The following GRID2 variants were observed in gnomAD, a reference collection of about 807,000 sequenced individuals.
GRID2 encodes glutamate receptor ionotropic, delta-2.
Under a neutral mutation model 114.8 loss-of-function variants are expected in GRID2, and 33 were observed. The observed-to-expected ratio is 0.29, with a 90% CI of 0.22 to 0.38. GRID2 has a LOEUF of 0.38. Among genes scored for constraint, GRID2 ranks in the 10% least tolerant of loss-of-function variants. The probability of loss-of-function intolerance (pLI) is 1.00; values close to 1 mark genes in which losing one functional copy is unlikely to be tolerated. For synonymous variants in GRID2, 505 were observed against 449.9 expected (o/e 1.12, Z -1.55); for missense variants, 1,184 against 1,257.7 (o/e 0.94, Z 0.89).
rs527690483 is a variant in GRID2, at chr4:92,761,000, A to G, written c.244+170714A>G. Among the ~76,000 whole-genome samples the G allele has an allele frequency of 3.3e-5, 5 of 152,302 alleles. No homozygotes were observed. The South Asian group carries it at 8.3e-4, about 25-fold the overall frequency. On this transcript the variant is annotated intron_variant, in intron 2 of 15. Coordinates refer to ENST00000282020, the MANE Select transcript of GRID2 (RefSeq NM_001510.4). ...TTATTAACTAATATCTTTATTAGTT[A>G]AATCCATATATGGCAACTACATAAA... is the stretch of plus-strand genomic sequence containing the variant.
At chr4:92,736,181 A>G (rs1736588521) in intron 2 of GRID2, among the ~76,000 whole-genome samples, 1 of 152,150 alleles carries the variant, frequency 6.6e-6, no homozygotes, top group African/African-American at 2.4e-5. Flanking sequence ...CATCAGAATC[A>G]TAGAAGGAGG....
chr4:92,790,034 A>T (rs969257678), intron 2 of GRID2, among the ~76,000 whole-genome samples: 1 of 151,636 alleles, frequency 6.6e-6, no homozygotes, highest in Non-Finnish European at 1.5e-5. Context: ...TAATCTCCAG[A>T]TTTTCTATGT....
chr4:93,259,482 T>A (rs1018110782), intron 8 of GRID2, among the ~76,000 whole-genome samples: 1 of 151,836 alleles, frequency 6.6e-6, no homozygotes, highest in Non-Finnish European at 1.5e-5. Context: ...TGTCAAATCT[T>A]ACCAAATGAT....
intron 2 of GRID2, among the ~76,000 whole-genome samples, chr4:93,053,055 C>G (rs919520366): frequency 2.6e-5 from 4 of 151,854 alleles, no homozygotes; most frequent in Non-Finnish European, 5.9e-5. Flanking sequence ...AATGTACTCC[C>G]CTACCAAATT....
intron 8 of GRID2, among the ~76,000 whole-genome samples, chr4:93,289,952 G>A (rs1269567838): frequency 6.6e-6 from 1 of 152,168 alleles, no homozygotes; most frequent in Non-Finnish European, 1.5e-5. Context: ...ATTATGGTTT[G>A]ACATCACTCT....
At position 93,120,744 on chromosome 4, in the gene GRID2, T is replaced by C. The variant is rs1027837911; in HGVS notation, c.735+9791T>C. ...TGAGGCGGGTGGATCATGAGGTCAG[T>C]AGATCGAGACCATCCTGGCTAACAT... is the stretch of plus-strand genomic sequence containing the variant. On this transcript the variant is annotated intron_variant, in intron 4 of 15. Transcript: ENST00000282020. 4.6e-5 allele frequency among the ~76,000 whole-genome samples: 7 copies of C among 151,936 alleles called. No individual in the cohort carries two copies. The East Asian group carries it at 9.7e-4, about 21-fold the overall frequency.
intron 3 of GRID2, among the ~76,000 whole-genome samples, chr4:93,087,276 G>A (rs574123983): frequency 1.5e-4 from 23 of 151,714 alleles, no homozygotes; most frequent in Non-Finnish European, 2.8e-4. Context: ...TCCTGACATC[G>A]TGATCCACCC....
intron 2 of GRID2, among the ~76,000 whole-genome samples, chr4:93,051,854 G>A (rs536605615): frequency 1.3e-5 from 2 of 151,776 alleles, no homozygotes; most frequent in South Asian, 2.1e-4. Flanking sequence ...TTTTTTTCCC[G>A]AGTTTTCTTT....
chr4:93,122,119 C>A (rs1189641040), intron 4 of GRID2, among the ~76,000 whole-genome samples: 2 of 152,076 alleles, frequency 1.3e-5, no homozygotes, highest in Non-Finnish European at 2.9e-5. Flanking sequence ...CAAATTATTA[C>A]ATTTTTTGTA....
chr4:92,596,358 G>A (rs1326888882), intron 2 of GRID2, among the ~76,000 whole-genome samples: 1 of 151,974 alleles, frequency 6.6e-6, no homozygotes, highest in Non-Finnish European at 1.5e-5. Flanking sequence ...GGTTAACTCT[G>A]GACCATCTAC....
At chr4:92,862,143 C>A (rs920244288) in intron 2 of GRID2, among the ~76,000 whole-genome samples, 3 of 151,958 alleles carry the variant, frequency 2.0e-5, no homozygotes, top group Non-Finnish European at 4.4e-5. Context: ...ATATTTAAAA[C>A]CTCTCGACAA....
intron 4 of GRID2, chr4:93,164,586 G>C (rs1008130485): frequency 3.6e-5 from 7 of 194,258 alleles, no homozygotes; most frequent in Non-Finnish European, 8.0e-5. Context: ...TGAGAAGTCA[G>C]CTGTTTTTAG....
chr4:92,845,037 C>T (rs555576334), intron 2 of GRID2, among the ~76,000 whole-genome samples: 6 of 152,170 alleles, frequency 3.9e-5, no homozygotes, highest in Admixed American at 3.9e-4. Flanking sequence ...TTTTACTGAT[C>T]ATTGCTCTAA....
intron 2 of GRID2, among the ~76,000 whole-genome samples, chr4:92,637,068 T>G: frequency 6.6e-6 from 1 of 152,060 alleles, no homozygotes; most frequent in South Asian, 2.1e-4. Flanking sequence ...TTAAATATAA[T>G]GTAATTTTTC....
intron 9 of GRID2, among the ~76,000 whole-genome samples, chr4:93,410,089 C>T (rs768589861): frequency 6.6e-6 from 1 of 152,088 alleles, no homozygotes; most frequent in Non-Finnish European, 1.5e-5. Context: ...CATTATTTAT[C>T]TACCCTCAAG....
intron 2 of GRID2, among the ~76,000 whole-genome samples, chr4:92,727,111 A>G (rs531099891): frequency 6.6e-6 from 1 of 152,166 alleles, no homozygotes; most frequent in East Asian, 1.9e-4. Flanking sequence ...TTTCTCTCCA[A>G]TTAAAGCTTA....
At chr4:92,630,701 T>C (rs1235389059) in intron 2 of GRID2, among the ~76,000 whole-genome samples, 2 of 151,956 alleles carry the variant, frequency 1.3e-5, no homozygotes, top group African/African-American at 4.8e-5. Flanking sequence ...GTAACATTAA[T>C]AGTTTGTCAG....
At chr4:92,496,146 T>A (rs1478905499) in intron 1 of GRID2, among the ~76,000 whole-genome samples, 1 of 151,936 alleles carries the variant, frequency 6.6e-6, no homozygotes, top group Admixed American at 6.6e-5. Context: ...TTGAAAATGA[T>A]CCTTTACAAA....
intron 2 of GRID2, among the ~76,000 whole-genome samples, chr4:92,923,015 G>C (rs1186624165): frequency 6.6e-6 from 1 of 152,132 alleles, no homozygotes; most frequent in Non-Finnish European, 1.5e-5. Flanking sequence ...CTTTACATAT[G>C]AATTTTGTTC....
Sources: gnomAD v4.1 joint callset for allele counts (sites outside exome capture counted in the v4.1 genomes callset) on GRCh38, gnomAD v4.1.1 for gene constraint, MANE v1.5 for transcripts, NCBI Gene and HGNC (gene_info 2026-07-23, HGNC 2026-07-21) for gene names.